DPF1: variants seen among roughly 807,000 people sequenced by gnomAD.
The protein encoded by DPF1 is double PHD fingers 1, also known as zinc finger protein neuro-d4.
A neutral mutation model predicts 58.7 loss-of-function variants in DPF1; 14 were observed. The ratio of observed to expected loss-of-function variants is 0.24; its 90% CI spans 0.16 to 0.37. The LOEUF (loss-of-function observed/expected upper bound fraction) is 0.37, where lower values mean the gene tolerates loss of function less well. DPF1 is among the 10% of genes least tolerant of loss of function. The pLI is 1.00. For missense variants in DPF1, 345 were observed against 529.9 expected (o/e 0.65, Z 3.43); for synonymous variants, 216 against 216.0 (o/e 1.00, Z 0.00).
chr19:38,217,376 T>TGC lies in DPF1; in HGVS notation c.727+82_727+83dup. ...CTGGAGATTTTCCAGAAATGTCTAA[T>TGC]GCCCCCCCACCCCCACCCCCAGCTG... On this transcript the variant is annotated intron_variant, in intron 7 of 11. Transcript: ENST00000355526. 5.4e-6 allele frequency: 6 copies of TGC among 1,111,754 alleles called. 1 individual carries two copies. Among genetic ancestry groups the TGC allele is most frequent in the African/African-American group, 1.6e-5 (1 of 61,804 alleles). The allele number at this position is 1,111,754 out of a possible 1,614,324, so 68.9% of individuals were successfully genotyped here. A position where few individuals can be genotyped will look rare whatever the true frequency, so the allele number is the denominator to read the frequency against.
chr19:38,217,579 C>T lies in DPF1; in HGVS notation c.608G>A (p.Arg203Gln), dbSNP rs1028330730. The T allele has an allele frequency of 3.2e-6, 5 of 1,549,850 alleles. No homozygotes were observed. The highest frequency in any genetic ancestry group is 4.4e-6 in the Non-Finnish European group (5 of 1,145,910). The change falls in exon 7 of 12, where the codon CGG becomes CAG. Residue 203 changes from arginine to glutamine, a missense_variant. Coordinates refer to ENST00000355526, the MANE Select transcript of DPF1 (RefSeq NM_001135155.3). ...GCTGAGCCCCGGCCGGTTCTTATAC[C>T]GTTTCCCACAGACTGGGGAGCGAGC... The part of the protein sequence containing the change: ...KPYVCDICGK[R>Q]YKNRPGLSYH...
intron 9 of DPF1, among the ~76,000 whole-genome samples, chr19:38,215,489 T>C (rs1028057039): frequency 5.6e-5 from 7 of 124,542 alleles, no homozygotes; most frequent in Non-Finnish European, 9.8e-5. Flanking sequence ...GGAGACTCTG[T>C]CTCAAAAAAC....
intron 7 of DPF1, 85 bp downstream of exon 7, chr19:38,217,375 A>G: frequency 1.1e-5 from 12 of 1,079,502 alleles, no homozygotes; most frequent in Admixed American, 2.7e-5. Context: ...GAAATGTCTA[A>G]TGCCCCCCCA....
Position 38,222,500 on chromosome 19 carries a change from G to A in DPF1, c.191-36C>T. On this transcript the variant is annotated intron_variant, in intron 2 of 11. Transcript: ENST00000355526. This position sits in a 1 kb window ranked among gnomAD's most constrained non-coding sequence, Gnocchi z 4.9. ...AGGGGGGTGAGAGGGCGGCGGCGGT[G>A]GGGCGGCCTGGCCCCGCCCCGCCCT... The A allele has an allele frequency of 3.8e-6, 6 of 1,584,066 alleles. No homozygotes were observed. The highest frequency in any genetic ancestry group is 5.1e-6 in the Non-Finnish European group (6 of 1,170,200).
In DPF1 at chr19:38,211,878, G is replaced by A. The variant is rs949822766; in HGVS notation, c.*185C>T. ...AGGGAGGGAGGGAGGGAGAGGCCCT[G>A]GCCGGGCCCACCCACCCACAGGGCA... is the stretch of plus-strand genomic sequence containing the variant. On this transcript the variant is annotated 3_prime_UTR_variant, in exon 12 of 12. Coordinates refer to ENST00000355526, the MANE Select transcript of DPF1 (RefSeq NM_001135155.3). This position sits in a 1 kb window ranked among gnomAD's most constrained non-coding sequence, Gnocchi z 4.0. 4 of 637,392 alleles carry A rather than the reference G, an allele frequency of 6.3e-6. No individual in the cohort carries two copies. The highest frequency in any genetic ancestry group is 1.8e-5 in the African/African-American group (1 of 54,416). The allele number at this position is 637,392 out of a possible 1,614,324, so 39.5% of individuals were successfully genotyped here. A position where few individuals can be genotyped will look rare whatever the true frequency, so the allele number is the denominator to read the frequency against.
rs1973475726 is a variant in DPF1, at chr19:38,212,117, G to A, written c.1110C>T (p.His370=). Reference sequence around the variant, plus strand: ...TTTCCTTCAGGTGCCGGAGACAGAGGTGACAGCTCCAGCTCCCTGCGGGGG... The same window carrying A: ...TTTCCTTCAGGTGCCGGAGACAGAGATGACAGCTCCAGCTCCCTGCGGGGG... ...AEPPEGSWSC[H]LCLRHLKEKA... The change falls in exon 12 of 12, where the codon CAC becomes CAT. Residue 370 remains histidine, a synonymous_variant. Coordinates refer to ENST00000355526, the MANE Select transcript of DPF1 (RefSeq NM_001135155.3). 1 of 1,611,382 alleles carries A rather than the reference G, an allele frequency of 6.2e-7. No homozygotes were observed.
Position 38,219,078 on chromosome 19 carries a change from G to T in DPF1, c.299-20C>A. 1 of 1,612,530 alleles carries T rather than the reference G, an allele frequency of 6.2e-7. No individual in the cohort carries two copies. On this transcript the variant is annotated intron_variant, in intron 3 of 11. Transcript: ENST00000355526. Reference sequence around the variant, plus strand: ...CACAGTCTGGGGACAGGGCCATGGGGGGGTCAGATGGGGAAGTTGACCCCG... The same window carrying T: ...CACAGTCTGGGGACAGGGCCATGGGTGGGTCAGATGGGGAAGTTGACCCCG...
At position 38,229,485 on chromosome 19, in the gene DPF1, G is replaced by A; in HGVS notation, c.-132+74C>T. The A allele has an allele frequency of 1.3e-6, 1 of 755,574 alleles. No homozygotes were observed. The highest frequency in any genetic ancestry group is 1.6e-6 in the Non-Finnish European group (1 of 622,324). The allele number at this position is 755,574 out of a possible 1,614,324, so 46.8% of individuals were successfully genotyped here. ...TCCGCGCGCTGCGTCCCCCTCCTCA[G>A]CCCCAGGGCGGGCGGGGGAAGGGCT... On this transcript the variant is annotated intron_variant, in intron 1 of 11. Coordinates refer to the DPF1 transcript ENST00000412732. This position sits in a 1 kb window ranked among gnomAD's most constrained non-coding sequence, Gnocchi z 5.3.
chr19:38,218,697 T>TG (rs1303884776), intron 4 of DPF1, 35 bp from the exon 5 acceptor site: 15 of 1,609,940 alleles, frequency 9.3e-6, no homozygotes, highest in Non-Finnish European at 1.3e-5. Context: ...GTCAAGAAAG[T>TG]GGGGGCCACT....
At chr19:38,217,327 C>T (rs1600251788) in intron 7 of DPF1, 133 bp downstream of exon 7, 5 of 1,256,116 alleles carry the variant, frequency 4.0e-6, no homozygotes, top group Non-Finnish European at 4.3e-6. Context: ...TCCCCATGGT[C>T]GGTGGGGGGA....
At chr19:38,226,540 T>A (rs12973734), upstream of DPF1, among the ~76,000 whole-genome samples, 25 of 143,180 alleles carry the variant, frequency 1.7e-4, no homozygotes, top group East Asian at 4.2e-4. Flanking sequence ...ACACACACAC[T>A]CCTCTAGTCT....
Position 38,224,117 on chromosome 19 carries a change from AG to A in DPF1, c.25del (p.Leu9Ter). On this transcript the variant is annotated frameshift_variant, in exon 1 of 12. Coordinates refer to ENST00000355526, the MANE Select transcript of DPF1 (RefSeq NM_001135155.3). LOFTEE classifies it high-confidence loss of function. This position sits in a 1 kb window ranked among gnomAD's most constrained non-coding sequence, Gnocchi z 4.5. Reference protein sequence around the residue: MATVIPGPLSLGEDFYREA... With the variant: MATVIPGPXSLGEDFYREA... ...GCCTCCCGCCGGCCCGCACCACCTCAGGGGGCCAGGGATGACAGTGGCCATC... is the reference window on the plus strand; with the variant it reads ...GCCTCCCGCCGGCCCGCACCACCTCAGGGGCCAGGGATGACAGTGGCCATC... 2.7e-6 allele frequency: 4 copies of A among 1,496,884 alleles called. No homozygotes were observed. The highest frequency in any genetic ancestry group is 1.8e-6 in the Non-Finnish European group (2 of 1,133,460). 92.7% of individuals were successfully genotyped at this position (1,496,884 alleles called of 1,614,324 possible).
chr19:38,222,734 G>A lies in DPF1; in HGVS notation c.30-26C>T. 2 of 1,556,688 alleles carry A rather than the reference G, an allele frequency of 1.3e-6. No homozygotes were observed. Among genetic ancestry groups the A allele is most frequent in the Non-Finnish European group, 1.7e-6 (2 of 1,151,732 alleles). On this transcript the variant is annotated intron_variant, in intron 1 of 11. Coordinates refer to ENST00000355526, the MANE Select transcript of DPF1 (RefSeq NM_001135155.3). The surrounding 1 kb of genome is among the most constrained non-coding windows in gnomAD (Gnocchi z 4.9). ...CTAGAGGGGCGGCGAACGGGCGGGC[G>A]GCTGTCAGCAAGGGCAGGCGCACAG...
Position 38,222,742 on chromosome 19 carries a change from G to T in DPF1, c.30-34C>A. 6.5e-7 allele frequency: 1 copy of T among 1,541,214 alleles called. No individual in the cohort carries two copies. The highest frequency in any genetic ancestry group is 8.7e-7 in the Non-Finnish European group (1 of 1,144,486). ...GCGGCGAACGGGCGGGCGGCTGTCA[G>T]CAAGGGCAGGCGCACAGGGTCGCCC... On this transcript the variant is annotated intron_variant, in intron 1 of 11. Transcript: ENST00000355526. This position sits in a 1 kb window ranked among gnomAD's most constrained non-coding sequence, Gnocchi z 4.9.
chr19:38,228,937 G>C (rs1967937851), upstream of DPF1, among the ~76,000 whole-genome samples: 1 of 151,882 alleles, frequency 6.6e-6, no homozygotes, highest in Admixed American at 6.5e-5. Context: ...GCTCCCGTTT[G>C]ATGTGTATGC....
At chr19:38,220,943 C>G (rs1967426669) in intron 3 of DPF1, among the ~76,000 whole-genome samples, 1 of 152,190 alleles carries the variant, frequency 6.6e-6, no homozygotes, top group Admixed American at 6.5e-5. Flanking sequence ...TGGACTGGCA[C>G]ACACGTGCAG....
intron 11 of DPF1, 22 bp downstream of exon 11, chr19:38,212,258 G>C (rs761680098): frequency 7.3e-5 from 46 of 632,608 alleles, no homozygotes; most frequent in South Asian, 2.2e-4. Context: ...CCGCCCCATG[G>C]GATGCCCACC....
chr19:38,219,349 C>G (rs1353550698), intron 3 of DPF1: 2 of 424,208 alleles, frequency 4.7e-6, no homozygotes, highest in African/African-American at 2.0e-5. Flanking sequence ...AGGGAAGACA[C>G]AGCGACTCTC....
intron 11 of DPF1, 43 bp downstream of exon 11, chr19:38,212,237 T>TGGGGGGGGGGGGGGGCCC: frequency 8.0e-7 from 1 of 1,256,812 alleles, no homozygotes; most frequent in Non-Finnish European, 1.1e-6. Flanking sequence ...GGAGATGGCG[T>TGGGGGGGGGGGGGGGCCC]TCCCACCCAC....
Sources: gnomAD v4.1 joint callset for allele counts (sites outside exome capture counted in the v4.1 genomes callset) on GRCh38, gnomAD v4.1.1 for gene constraint, Gnocchi (gnomAD v3.1) non-coding constraint, MANE v1.5 for transcripts, NCBI Gene and HGNC (gene_info 2026-07-23, HGNC 2026-07-21) for gene names.